The following ERCC3 variants were observed in gnomAD, a reference collection of about 807,000 sequenced individuals.
The protein encoded by ERCC3 is ERCC excision repair 3, TFIIH core complex helicase subunit.
Under a neutral mutation model 94.2 loss-of-function variants are expected in ERCC3, and 66 were observed. The ratio of observed to expected loss-of-function variants is 0.70; its 90% CI spans 0.57 to 0.86. The LOEUF is 0.86. Among genes scored for constraint, ERCC3 ranks in the 40% least tolerant of loss-of-function variants. The probability of loss-of-function intolerance (pLI) is 0.00; values close to 1 mark genes in which losing one functional copy is unlikely to be tolerated. For synonymous variants in ERCC3, 349 were observed against 369.1 expected (o/e 0.95, Z 0.63); for missense variants, 829 against 987.1 (o/e 0.84, Z 2.15).
intron 13 of ERCC3, chr2:127,260,417 T>C (rs1346814888): frequency 6.6e-6 from 1 of 152,230 alleles, no homozygotes; most frequent in African/African-American, 2.4e-5. Flanking sequence ...AAGGTCATGA[T>C]GCAAATCCTC....
At chr2:127,290,010 T>A in intron 4 of ERCC3, 186 bp from the exon 5 acceptor site, 1 of 811,236 alleles carries the variant, frequency 1.2e-6, no homozygotes, top group Non-Finnish European at 2.0e-6. Context: ...TGAGGTCAAG[T>A]AGGCAGGGGC....
At chr2:127,263,747 G>A (rs935619190) in intron 12 of ERCC3, among the ~76,000 whole-genome samples, 8 of 146,386 alleles carry the variant, frequency 5.5e-5, no homozygotes, top group East Asian at 4.0e-4. Context: ...TCGCTCTGTC[G>A]CCCAGGCTGG....
chr2:127,290,133 TA>T (rs1359385492), intron 4 of ERCC3, 90 bp downstream of exon 4: 2 of 1,064,826 alleles, frequency 1.9e-6, no homozygotes, highest in Non-Finnish European at 2.9e-6. Context: ...AAAGACAGCA[TA>T]AACATCAGGT....
chr2:127,275,288 C>A (rs926731224), intron 10 of ERCC3, among the ~76,000 whole-genome samples: 16 of 152,094 alleles, frequency 1.1e-4, no homozygotes, highest in Admixed American at 2.6e-4. Flanking sequence ...CCTTGGCCCC[C>A]CAAAGTGCTG....
At chr2:127,281,874 G>C (rs1157952898) in intron 8 of ERCC3, among the ~76,000 whole-genome samples, 1 of 152,036 alleles carries the variant, frequency 6.6e-6, no homozygotes, top group South Asian at 2.1e-4. Context: ...CTCAGACCAA[G>C]CTCCCCATGT....
intron 12 of ERCC3, chr2:127,261,900 G>A (rs1684200906): frequency 5.9e-6 from 1 of 169,262 alleles, no homozygotes; most frequent in African/African-American, 2.4e-5. Context: ...TGATGCGGCT[G>A]CTTTGGAAAA....
chr2:127,261,152 C>T (rs1684177553), intron 13 of ERCC3, 76 bp downstream of exon 13: 1 of 849,866 alleles, frequency 1.2e-6, no homozygotes, highest in East Asian at 2.4e-5. Context: ...CTGACAGTGG[C>T]CCTCGCTTCT....
At chr2:127,273,384 AG>A (rs1684627583) in intron 10 of ERCC3, among the ~76,000 whole-genome samples, 1 of 152,208 alleles carries the variant, frequency 6.6e-6, no homozygotes, top group African/African-American at 2.4e-5. Flanking sequence ...ATGAGCAGAA[AG>A]GAGAAAAGTG....
In ERCC3 at chr2:127,286,991, T is replaced by C; in HGVS notation, c.1054A>G (p.Thr352Ala). Residue 352 changes from threonine to alanine, a missense_variant, in exon 8 of 15, where the codon ACT (threonine) becomes GCT (alanine). Thr to Ala is a moderately conservative substitution (Grantham distance 58). Coordinates refer to ENST00000285398, the MANE Select transcript of ERCC3 (RefSeq NM_000122.2). ...CGTTTTCTGACAGTGCATGCAGCAG[T>C]CACACCAACCAGGGACTTTCCAGCA... ...CGAGKSLVGV[T>A]AACTVRKRCL... The C allele has an allele frequency of 6.2e-7, 1 of 1,613,300 alleles. No individual in the cohort carries two copies. Among genetic ancestry groups the C allele is most frequent in the Non-Finnish European group, 8.5e-7 (1 of 1,180,010 alleles).
intron 10 of ERCC3, among the ~76,000 whole-genome samples, chr2:127,275,451 G>C (rs890252465): frequency 6.6e-6 from 1 of 152,180 alleles, no homozygotes. Flanking sequence ...TAGTACACAG[G>C]AGACAGCCAC....
At chr2:127,287,097 C>G (rs957789978) in intron 7 of ERCC3, 80 bp from the exon 8 acceptor site, 1 of 1,101,922 alleles carries the variant, frequency 9.1e-7, no homozygotes, top group Non-Finnish European at 1.4e-6. Context: ...CTCACAAGTA[C>G]AGCAATCTAG....
At chr2:127,289,887 CTCAT>C in intron 4 of ERCC3, 63 bp from the exon 5 acceptor site, 1 of 1,562,152 alleles carries the variant, frequency 6.4e-7, no homozygotes, top group Admixed American at 1.7e-5. Flanking sequence ...GATTCCACTG[CTCAT>C]TCAATTAGAT....
At position 127,279,996 on chromosome 2, in the gene ERCC3, A is replaced by G. The variant is rs1182094102; in HGVS notation, c.1527+451T>C. ...ATTCTTCCATTTAAGCCACACTTCCACACACGAGTCAGCACTGCTACTGAG... is the reference window on the plus strand; with the variant it reads ...ATTCTTCCATTTAAGCCACACTTCCGCACACGAGTCAGCACTGCTACTGAG... On this transcript the variant is annotated intron_variant, in intron 9 of 14. Coordinates refer to ENST00000285398, the MANE Select transcript of ERCC3 (RefSeq NM_000122.2). This position sits in a 1 kb window ranked among gnomAD's most constrained non-coding sequence, Gnocchi z 4.7. Among the ~76,000 whole-genome samples the G allele has an allele frequency of 6.6e-6, 1 of 152,110 alleles. No individual in the cohort carries two copies. Among genetic ancestry groups the G allele is most frequent in the Non-Finnish European group, 1.5e-5 (1 of 68,030 alleles).
intron 4 of ERCC3, 107 bp from the exon 5 acceptor site, chr2:127,289,931 C>T (rs778884557): frequency 1.1e-4 from 148 of 1,329,374 alleles, no homozygotes; most frequent in Non-Finnish European, 1.5e-4. Context: ...CATGACTCTC[C>T]CCACAACCCT....
At chr2:127,293,952 G>A (rs1253265775) in intron 1 of ERCC3, 102 bp downstream of exon 1, 4 of 1,545,218 alleles carry the variant, frequency 2.6e-6, no homozygotes, top group Non-Finnish European at 3.5e-6. Flanking sequence ...GGGAGGGCCA[G>A]CAGGGTCGGC....
intron 1 of ERCC3, 46 bp from the exon 2 acceptor site, chr2:127,293,764 G>T (rs1223850952): frequency 1.2e-6 from 2 of 1,604,620 alleles, no homozygotes; most frequent in East Asian, 2.2e-5. Context: ...AGCCTTCAGG[G>T]TTCCCTCCGC....
rs1235806778 is a variant in ERCC3 at position 127,258,335 on chromosome 2, G to C, written c.2218-608C>G. On this transcript the variant is annotated intron_variant, in intron 14 of 14. Coordinates refer to ENST00000285398, the MANE Select transcript of ERCC3 (RefSeq NM_000122.2). This position sits in a 1 kb window ranked among gnomAD's most constrained non-coding sequence, Gnocchi z 4.1. ...TGGAAGGACAGAAAGCCCTGGGCTTGACTCTTGGCTCCTCCTGTCCCTGAG... is the reference window on the plus strand; with the variant it reads ...TGGAAGGACAGAAAGCCCTGGGCTTCACTCTTGGCTCCTCCTGTCCCTGAG... 2.0e-5 allele frequency among the ~76,000 whole-genome samples: 3 copies of C among 152,208 alleles called. No individual in the cohort carries two copies. Among genetic ancestry groups the C allele is most frequent in the Non-Finnish European group, 4.4e-5 (3 of 68,040 alleles).
chr2:127,275,615 C>T (rs1684711998), intron 10 of ERCC3, among the ~76,000 whole-genome samples: 1 of 152,130 alleles, frequency 6.6e-6, no homozygotes, highest in Non-Finnish European at 1.5e-5. Context: ...TGGAGTGAGG[C>T]TCCAGAAGAC....
intron 8 of ERCC3, among the ~76,000 whole-genome samples, chr2:127,283,852 T>G (rs1684990348): frequency 6.6e-6 from 1 of 152,220 alleles, no homozygotes; most frequent in Non-Finnish European, 1.5e-5. Context: ...TTGACATATG[T>G]ATATCCTTTT....
Sources: gnomAD v4.1 joint callset for allele counts (sites outside exome capture counted in the v4.1 genomes callset) on GRCh38, gnomAD v4.1.1 for gene constraint, Gnocchi (gnomAD v3.1) non-coding constraint, MANE v1.5 for transcripts, NCBI Gene and HGNC (gene_info 2026-07-23, HGNC 2026-07-21) for gene names.